The following EFCAB13 variants were observed in gnomAD, a reference collection of about 807,000 sequenced individuals.
The protein encoded by EFCAB13 is EF-hand calcium-binding domain-containing protein 13.
In EFCAB13, 91 loss-of-function variants were observed where a neutral mutation model predicts 110.2. The ratio of observed to expected loss-of-function variants is 0.83; its 90% CI spans 0.70 to 0.98. The LOEUF is 0.98. EFCAB13 is among the 50% of genes least tolerant of loss of function. The pLI, the probability that EFCAB13 is intolerant of heterozygous loss-of-function variation, is 0.00. For synonymous variants in EFCAB13, 323 were observed against 369.9 expected, an observed-to-expected ratio of 0.87 and a Z score of 1.45; for missense variants, 968 against 1,119.4, an observed-to-expected ratio of 0.86 and a Z score of 1.93.
chr17:47,440,419 T>A lies in EFCAB13; in HGVS notation c.2639-12T>A. 1 of 1,554,328 alleles carries A rather than the reference T, an allele frequency of 6.4e-7. No homozygotes were observed. The highest frequency in any genetic ancestry group is 2.3e-5 in the East Asian group (1 of 44,050). On this transcript the variant is annotated splice_polypyrimidine_tract_variant and intron_variant, in intron 24 of 24. Coordinates refer to ENST00000331493, the MANE Select transcript of EFCAB13 (RefSeq NM_152347.5). ...ATTCTTTCTTTTAAGTAAATTATGC[T>A]TTGCCTTACAGAAAGTGGCAAGGTT...
At chr17:47,420,895 C>T (rs1904669475) in intron 23 of EFCAB13, among the ~76,000 whole-genome samples, 1 of 137,488 alleles carries the variant, frequency 7.3e-6, no homozygotes, top group Admixed American at 7.0e-5. Flanking sequence ...CCAGCCGCCC[C>T]GTCTGGGAGG....
intron 23 of EFCAB13, among the ~76,000 whole-genome samples, chr17:47,425,814 G>A (rs1192507163): frequency 3.9e-5 from 6 of 152,154 alleles, no homozygotes; most frequent in Admixed American, 3.9e-4. Context: ...TCACTTATCC[G>A]TGATATCAGA....
At chr17:47,377,170 C>T (rs2065620272) in intron 12 of EFCAB13, among the ~76,000 whole-genome samples, 1 of 152,032 alleles carries the variant, frequency 6.6e-6, no homozygotes, top group Non-Finnish European at 1.5e-5. Context: ...ATTTTACACA[C>T]ACACATACAC....
chr17:47,397,118 T>A (rs1268039198), intron 17 of EFCAB13, among the ~76,000 whole-genome samples: 1 of 147,454 alleles, frequency 6.8e-6, no homozygotes, highest in Non-Finnish European at 1.5e-5. Context: ...CTTGCCTGAT[T>A]CTCCTGCCTC....
chr17:47,365,748 C>G (rs908377781), intron 10 of EFCAB13, among the ~76,000 whole-genome samples: 1 of 152,022 alleles, frequency 6.6e-6, no homozygotes, highest in Non-Finnish European at 1.5e-5. Flanking sequence ...GTTCTATGTT[C>G]GATCTGCTTG....
At position 47,438,171 on chromosome 17, in the gene EFCAB13, C is replaced by T. The variant is rs373849963; in HGVS notation, c.2639-2260C>T. 7.2e-5 allele frequency among the ~76,000 whole-genome samples: 11 copies of T among 152,280 alleles called. No homozygotes were observed. The East Asian group carries it at 1.5e-3, about 21-fold the overall frequency. On this transcript the variant is annotated intron_variant, in intron 24 of 24. Transcript: ENST00000331493. ...ATCTGCTGTTAATCAGATAGGTTTT[C>T]GTTTACAGGTTACCTGGTGCTTCTG...
At position 47,391,438 on chromosome 17, in the gene EFCAB13, G is replaced by T; in HGVS notation, c.1584G>T (p.Ala528=). The T allele has an allele frequency of 6.5e-7, 1 of 1,542,412 alleles. No individual in the cohort carries two copies. Among genetic ancestry groups the T allele is most frequent in the East Asian group, 2.4e-5 (1 of 41,414 alleles). The change falls in exon 15 of 25, where the codon GCG becomes GCT. Residue 528 remains alanine, a splice_region_variant and synonymous_variant. Coordinates refer to ENST00000331493, the MANE Select transcript of EFCAB13 (RefSeq NM_152347.5). ...AKERSFPECN[A]LPGVIKAIDK... ...ATTAGCATACTCCTTTATTTTTAGC[G>T]TTGCCTGGTGTCATTAAAGCCATTG...
chr17:47,367,893 A>T (rs1052296415), intron 10 of EFCAB13, among the ~76,000 whole-genome samples: 1 of 152,168 alleles, frequency 6.6e-6, no homozygotes, highest in African/African-American at 2.4e-5. Context: ...CAGATTTCTG[A>T]GAACAAAGTC....
In EFCAB13 at chr17:47,397,848, C is replaced by T. The variant is rs1279707803; in HGVS notation, c.1945+1871C>T. On this transcript the variant is annotated intron_variant, in intron 17 of 24. Coordinates refer to ENST00000331493, the MANE Select transcript of EFCAB13 (RefSeq NM_152347.5). ...CCGTCTGAGAAGTGAAGAGCCCCTC[C>T]ACCCGGCAGTCACCCCGTCTGGGAA... Among the ~76,000 whole-genome samples the T allele has an allele frequency of 1.8e-4, 27 of 151,432 alleles. 1 individual carries two copies. Among genetic ancestry groups the T allele is most frequent in the Admixed American group, 1.7e-3 (26 of 15,240 alleles).
chr17:47,370,438 T>C lies in EFCAB13; in HGVS notation c.807T>C (p.Ser269=). The C allele has an allele frequency of 6.3e-7, 1 of 1,582,284 alleles. No individual in the cohort carries two copies. The highest frequency in any genetic ancestry group is 2.2e-5 in the East Asian group (1 of 44,514). Residue 269 remains serine, a splice_region_variant and synonymous_variant, in exon 11 of 25, where the codon AGT becomes AGC. Coordinates refer to ENST00000331493, the MANE Select transcript of EFCAB13 (RefSeq NM_152347.5). The part of the protein sequence containing the change: ...EEVTKHTYID[S]NHMVDIGDII... The stretch of plus-strand genomic sequence containing the variant: ...GTATTTGAACTTATTCTATTACAGG[T>C]AACCACATGGTGGATATTGGGGATA...
At chr17:47,401,111 C>G (rs991133208) in intron 17 of EFCAB13, among the ~76,000 whole-genome samples, 1 of 149,918 alleles carries the variant, frequency 6.7e-6, no homozygotes, top group Non-Finnish European at 1.5e-5. Flanking sequence ...AGCAAAAATA[C>G]TGCAAAAAGA....
At chr17:47,325,059 C>T (rs1378665900) in intron 2 of EFCAB13, among the ~76,000 whole-genome samples, 2 of 94,292 alleles carry the variant, frequency 2.1e-5, no homozygotes, top group Admixed American at 1.9e-4. Context: ...AGGTCTCTGT[C>T]GTCCAGGCTG....
chr17:47,422,815 AGC>A (rs764953622), intron 23 of EFCAB13, among the ~76,000 whole-genome samples: 6 of 152,194 alleles, frequency 3.9e-5, no homozygotes, highest in Non-Finnish European at 7.4e-5. Flanking sequence ...CACCAATTTG[AGC>A]TATATATTCA....
intron 2 of EFCAB13, among the ~76,000 whole-genome samples, chr17:47,325,188 A>T (rs943632966): frequency 6.6e-6 from 1 of 150,402 alleles, no homozygotes; most frequent in African/African-American, 2.4e-5. Context: ...TGATTAAAAA[A>T]AAAATTCTGT....
chr17:47,359,491 C>T (rs923754647), intron 9 of EFCAB13, among the ~76,000 whole-genome samples: 18 of 148,020 alleles, frequency 1.2e-4, no homozygotes, highest in Non-Finnish European at 2.5e-4. Flanking sequence ...AATGATTTTC[C>T]GTCTGAAATT....
intron 24 of EFCAB13, among the ~76,000 whole-genome samples, chr17:47,439,182 T>TG (rs1358165301): frequency 1.6e-5 from 2 of 128,054 alleles, no homozygotes; most frequent in Non-Finnish European, 3.4e-5. Flanking sequence ...TTTTTTTTTT[T>TG]TTTTTTTTTT....
At chr17:47,333,499 A>G (rs2065331848) in intron 4 of EFCAB13, among the ~76,000 whole-genome samples, 1 of 152,134 alleles carries the variant, frequency 6.6e-6, no homozygotes, top group African/African-American at 2.4e-5. Flanking sequence ...GTCTTATCCA[A>G]CAAATCATTC....
chr17:47,382,830 G>C (rs1188116228), intron 14 of EFCAB13, among the ~76,000 whole-genome samples: 1 of 152,016 alleles, frequency 6.6e-6, no homozygotes, highest in African/African-American at 2.4e-5. Context: ...CCCCTTTTCT[G>C]TTGTTTGGAA....
chr17:47,347,661 G>A (rs2065425174), intron 8 of EFCAB13, 147 bp from the exon 9 acceptor site: 2 of 491,164 alleles, frequency 4.1e-6, no homozygotes, highest in South Asian at 9.0e-5. Flanking sequence ...AGATTGAAGA[G>A]GGTGGGGTAA....
Sources: gnomAD v4.1 joint callset for allele counts (sites outside exome capture counted in the v4.1 genomes callset) on GRCh38, gnomAD v4.1.1 for gene constraint, MANE v1.5 for transcripts, NCBI Gene and HGNC (gene_info 2026-07-23, HGNC 2026-07-21) for gene names.